The following TIAM1 variants were observed in gnomAD, a reference collection of about 807,000 sequenced individuals.
TIAM1 encodes the protein rho guanine nucleotide exchange factor TIAM1.
Under a neutral mutation model 163.5 loss-of-function variants are expected in TIAM1, and 65 were observed. That is an observed-to-expected ratio of 0.40 (90% CI 0.33 to 0.49). The LOEUF (loss-of-function observed/expected upper bound fraction) is 0.49, where lower values mean the gene tolerates loss of function less well. Ranked by LOEUF, TIAM1 falls within the 20% of genes least tolerant of loss-of-function variation. The pLI, the probability that TIAM1 is intolerant of heterozygous loss-of-function variation, is 0.77. For synonymous variants in TIAM1, 833 were observed against 810.1 expected, an observed-to-expected ratio of 1.03 and a Z score of -0.48; for missense variants, 1,789 against 2,044.7, an observed-to-expected ratio of 0.87 and a Z score of 2.41.
intron 1 of TIAM1, among the ~76,000 whole-genome samples, chr21:31,339,704 A>G (rs1453829282): frequency 6.6e-6 from 1 of 152,242 alleles, no homozygotes; most frequent in Non-Finnish European, 1.5e-5. Flanking sequence ...ACACTGAAGC[A>G]TGTGGCTGCA....
Position 31,283,773 on chromosome 21 carries a change from C to G in TIAM1, c.-188-6865G>C, listed in dbSNP as rs142286022. ...GTCAGGCTGGTCTCAAACTCCTGAC[C>G]TCAGGTGATCCACCCTCCTTGGCTT... On this transcript the variant is annotated intron_variant, in intron 2 of 27. Coordinates refer to ENST00000541036, the MANE Select transcript of TIAM1 (RefSeq NM_001353694.2). Among the ~76,000 whole-genome samples the G allele has an allele frequency of 9.9e-3, 1,500 of 152,174 alleles. 34 individuals carry two copies. The highest frequency in any genetic ancestry group is 0.034 in the African/African-American group (1,414 of 41,518).
intron 1 of TIAM1, among the ~76,000 whole-genome samples, chr21:31,470,000 AATT>A (rs1266404115): frequency 1.1e-5 from 1 of 87,980 alleles, no homozygotes; most frequent in Non-Finnish European, 2.2e-5. Context: ...GAAAACCTTG[AATT>A]TTTTTTTTTT....
At chr21:31,492,921 A>C (rs1053541423) in intron 1 of TIAM1, among the ~76,000 whole-genome samples, 1 of 152,152 alleles carries the variant, frequency 6.6e-6, no homozygotes, top group Non-Finnish European at 1.5e-5. Context: ...TGGAGGAATA[A>C]ATAATTTTTT....
intron 2 of TIAM1, among the ~76,000 whole-genome samples, chr21:31,420,221 T>C (rs952349416): frequency 2.0e-5 from 3 of 151,474 alleles, no homozygotes; most frequent in East Asian, 3.9e-4. Context: ...CTTTGCCACA[T>C]AATAATAATG....
At chr21:31,530,959 A>G (rs1317948079) in intron 1 of TIAM1, among the ~76,000 whole-genome samples, 1 of 152,118 alleles carries the variant, frequency 6.6e-6, no homozygotes, top group Non-Finnish European at 1.5e-5. Context: ...AGTCAATCAC[A>G]GCGCCACTGA....
chr21:31,339,963 T>C (rs543042769), intron 1 of TIAM1, among the ~76,000 whole-genome samples: 2 of 152,216 alleles, frequency 1.3e-5, no homozygotes, highest in South Asian at 4.1e-4. Flanking sequence ...TAGAACAAAA[T>C]AGCACCACTG....
intron 14 of TIAM1, among the ~76,000 whole-genome samples, chr21:31,184,105 T>C (rs2085165730): frequency 6.6e-6 from 1 of 151,916 alleles, no homozygotes; most frequent in Non-Finnish European, 1.5e-5. Context: ...TGGCTAATTT[T>C]TGTTTTGTTT....
At chr21:31,245,069 A>T (rs762975085) in intron 6 of TIAM1, among the ~76,000 whole-genome samples, 2 of 152,182 alleles carry the variant, frequency 1.3e-5, no homozygotes, top group Non-Finnish European at 2.9e-5. Context: ...TCATTATTTT[A>T]CTTTATGATT....
intron 1 of TIAM1, among the ~76,000 whole-genome samples, chr21:31,507,398 G>A (rs1159827380): frequency 6.6e-6 from 1 of 150,718 alleles, no homozygotes; most frequent in Non-Finnish European, 1.5e-5. Context: ...GTAGAGATGG[G>A]GTTTCACCAT....
At chr21:31,127,405 G>C (rs1475815361) in intron 25 of TIAM1, among the ~76,000 whole-genome samples, 1 of 149,706 alleles carries the variant, frequency 6.7e-6, no homozygotes, top group African/African-American at 2.5e-5. Flanking sequence ...CAATCATATG[G>C]ACCGAACTTT....
intron 2 of TIAM1, among the ~76,000 whole-genome samples, chr21:31,415,068 T>C: frequency 6.6e-6 from 1 of 152,134 alleles, no homozygotes; most frequent in East Asian, 1.9e-4. Context: ...AGTGTCTCCT[T>C]ACACCTATAA....
At chr21:31,514,546 G>A (rs1401094200) in intron 1 of TIAM1, among the ~76,000 whole-genome samples, 1 of 151,458 alleles carries the variant, frequency 6.6e-6, no homozygotes, top group East Asian at 1.9e-4. Context: ...AAAATAGCCA[G>A]GTGTGGTGGC....
intron 2 of TIAM1, among the ~76,000 whole-genome samples, chr21:31,292,973 G>A (rs1222318935): frequency 5.9e-5 from 9 of 152,110 alleles, no homozygotes; most frequent in Non-Finnish European, 1.2e-4. Context: ...ACAGGCGCCC[G>A]CCACCATGCG....
At chr21:31,336,205 T>G (rs1318186531) in intron 2 of TIAM1, among the ~76,000 whole-genome samples, 1 of 152,218 alleles carries the variant, frequency 6.6e-6, no homozygotes, top group African/African-American at 2.4e-5. Flanking sequence ...TGCTGGGACA[T>G]ATTTCTGTTA....
At chr21:31,486,290 C>T (rs1010423221) in intron 1 of TIAM1, among the ~76,000 whole-genome samples, 3 of 152,208 alleles carry the variant, frequency 2.0e-5, no homozygotes, top group Non-Finnish European at 4.4e-5. Context: ...CCTCTGACAG[C>T]CAGTCAGTGG....
chr21:31,451,494 A>T (rs1368869141), intron 2 of TIAM1, among the ~76,000 whole-genome samples: 2 of 152,172 alleles, frequency 1.3e-5, no homozygotes, highest in Non-Finnish European at 2.9e-5. Flanking sequence ...TAACATAAAG[A>T]AAGTCACTGG....
chr21:31,286,359 T>C (rs903050918), intron 2 of TIAM1, among the ~76,000 whole-genome samples: 6 of 151,588 alleles, frequency 4.0e-5, no homozygotes, highest in Admixed American at 3.9e-4. Flanking sequence ...GGCCCAGGAG[T>C]TCGAGACCAG....
chr21:31,321,383 G>A (rs1216076993), intron 2 of TIAM1, among the ~76,000 whole-genome samples: 5 of 151,620 alleles, frequency 3.3e-5, no homozygotes, highest in Non-Finnish European at 7.4e-5. Context: ...ACGGAGTTTC[G>A]CTCTTGTTGC....
At chr21:31,279,990 TCACACAGA>T (rs563437695) in intron 2 of TIAM1, among the ~76,000 whole-genome samples, 7 of 151,776 alleles carry the variant, frequency 4.6e-5, no homozygotes, top group African/African-American at 7.3e-5. Flanking sequence ...CGGCTACAGC[TCACACAGA>T]CACACAGACA....
Sources: allele counts gnomAD v4.1 joint callset (sites outside exome capture counted in the v4.1 genomes callset), GRCh38; gene constraint gnomAD v4.1.1; transcripts MANE v1.5; gene names NCBI Gene and HGNC (gene_info 2026-07-23, HGNC 2026-07-21).